Variants in SETD5 observed in about 807,000 individuals in gnomAD.
SETD5 encodes SET domain containing 5, also known as histone-lysine N-methyltransferase SETD5.
Under a neutral mutation model 153.3 loss-of-function variants are expected in SETD5, and 44 were observed. The ratio of observed to expected loss-of-function variants is 0.29; its 90% CI spans 0.23 to 0.37. The LOEUF (loss-of-function observed/expected upper bound fraction) is 0.37. Among genes scored for constraint, SETD5 ranks in the 10% least tolerant of loss-of-function variants. The pLI is 1.00. For synonymous variants in SETD5, 716 were observed against 645.2 expected (o/e 1.11, Z -1.66); for missense variants, 1,544 against 1,768.0 (o/e 0.87, Z 2.27).
intron 17 of SETD5, among the ~76,000 whole-genome samples, chr3:9,456,292 A>G (rs2043230527): frequency 6.6e-6 from 1 of 151,996 alleles, no homozygotes; most frequent in African/African-American, 2.4e-5. Flanking sequence ...CCTGGCCAAC[A>G]TGGTGAAACC....
At position 9,455,709 on chromosome 3, in the gene SETD5, G is replaced by T. The variant is rs77234498; in HGVS notation, c.2476+1841G>T. ...AGCTGAAATAGACTATCATGTTTGT[G>T]TATCTATCTGGTGTGTGTGTTAATG... On this transcript the variant is annotated intron_variant, in intron 17 of 22. Coordinates refer to ENST00000402198, the MANE Select transcript of SETD5 (RefSeq NM_001080517.3). Among the ~76,000 whole-genome samples the T allele has an allele frequency of 3.3e-3, 504 of 152,220 alleles. 13 individuals carry two copies. In the East Asian group the frequency reaches 0.047, roughly 14 times the overall value.
intron 17 of SETD5, among the ~76,000 whole-genome samples, chr3:9,462,448 G>A (rs1214914019): frequency 1.3e-5 from 2 of 151,926 alleles, no homozygotes; most frequent in South Asian, 2.1e-4. Flanking sequence ...TTAGCCGGGT[G>A]TGGTAGCGAG....
intron 17 of SETD5, among the ~76,000 whole-genome samples, chr3:9,454,581 CACT>C (rs1287749055): frequency 3.6e-5 from 5 of 139,816 alleles, no homozygotes; most frequent in African/African-American, 1.3e-4. Context: ...AAGATCACGC[CACT>C]GCACTCCAGC....
intron 18 of SETD5, 141 bp from the exon 19 acceptor site, chr3:9,470,318 C>T: frequency 1.5e-6 from 1 of 678,790 alleles, no homozygotes. Flanking sequence ...GGGACTTTTA[C>T]AGAATATAAT....
intron 18 of SETD5, among the ~76,000 whole-genome samples, chr3:9,467,199 CAAAAAAAAAAAAAA>C (rs35894304): frequency 5.1e-4 from 21 of 40,876 alleles, no homozygotes; most frequent in Middle Eastern, 0.023. Flanking sequence ...GACTCTCTCT[CAAAAAAAAAAAAAA>C]AAAAAAAAAA....
chr3:9,446,306 A>AAAAAAAAAAAAAAC (rs1553624517), intron 13 of SETD5, among the ~76,000 whole-genome samples: 2 of 120,178 alleles, frequency 1.7e-5, no homozygotes, highest in Non-Finnish European at 1.6e-5. Flanking sequence ...AAAAAAAAAA[A>AAAAAAAAAAAAAAC]AATCTGGTTT....
At chr3:9,439,164 T>G (rs1474022745) in intron 7 of SETD5, among the ~76,000 whole-genome samples, 1 of 152,218 alleles carries the variant, frequency 6.6e-6, no homozygotes, top group Non-Finnish European at 1.5e-5. Context: ...TGCACTATTC[T>G]TTTGCGCAAC....
Position 9,440,633 on chromosome 3 carries a change from A to C in SETD5, c.745A>C (p.Ile249Leu), listed in dbSNP as rs746110142. 4.3e-6 allele frequency: 7 copies of C among 1,613,944 alleles called. No individual in the cohort carries two copies. In the South Asian group the frequency reaches 6.6e-5, roughly 15 times the overall value. The part of the protein sequence containing the change: ...SSKEFVGKPT[I>L]LDTINKTELA... ...CAAGGAATTTGTGGGCAAACCTACT[A>C]TTTTAGACACTATTAATAAGACTGA... The change falls in exon 8 of 23, where the codon ATT (isoleucine) becomes CTT (leucine). Residue 249 changes from isoleucine (I) to leucine (L), a missense_variant. Ile to Leu is a conservative substitution (Grantham distance 5, BLOSUM62 2). This residue lies in a region of SETD5 where 251 missense variants were observed against 326.9 expected (regional missense o/e 0.77). Transcript: ENST00000402198.
intron 1 of SETD5, 147 bp downstream of exon 1, chr3:9,398,124 C>T (rs2033993961): frequency 6.6e-6 from 1 of 152,108 alleles, no homozygotes; most frequent in Non-Finnish European, 1.5e-5. Context: ...CCACTTCTCA[C>T]CCCCCTCGCC....
chr3:9,410,877 C>CTTTTTTTTTTTTTTT (rs34787440), intron 1 of SETD5, among the ~76,000 whole-genome samples: 1 of 146,118 alleles, frequency 6.8e-6, no homozygotes, highest in African/African-American at 2.5e-5. Flanking sequence ...TAAAAATTCT[C>CTTTTTTTTTTTTTTT]TTTTTTTTTT....
At chr3:9,402,649 A>G (rs1009654168) in intron 1 of SETD5, among the ~76,000 whole-genome samples, 3 of 152,214 alleles carry the variant, frequency 2.0e-5, no homozygotes, top group Admixed American at 2.0e-4. Context: ...GGATTCCCAC[A>G]GCTTTCATGG....
chr3:9,471,363 C>A (rs2045280635), intron 19 of SETD5, among the ~76,000 whole-genome samples: 1 of 152,160 alleles, frequency 6.6e-6, no homozygotes. Flanking sequence ...CAGGATACTA[C>A]CCAGTTTGAG....
At chr3:9,405,786 T>TG (rs957500864) in intron 1 of SETD5, among the ~76,000 whole-genome samples, 1 of 152,224 alleles carries the variant, frequency 6.6e-6, no homozygotes, top group Non-Finnish European at 1.5e-5. Context: ...TTGTGCCCCT[T>TG]GTTTGTCGTT....
rs145659084 is a variant in SETD5 at position 9,447,815 on chromosome 3, G to A, written c.1912G>A (p.Ala638Thr). Reference protein sequence around the residue: ...QRLKRQKQANAQQAELSQAAL... With the variant: ...QRLKRQKQANTQQAELSQAAL... Reference sequence around the variant, plus strand: ...ACTAAAGCGTCAGAAGCAGGCCAATGCACAGCAGGCAGAATTGTCACAAGC... The same window carrying A: ...ACTAAAGCGTCAGAAGCAGGCCAATACACAGCAGGCAGAATTGTCACAAGC... The change falls in exon 15 of 23, where the codon GCA becomes ACA. Residue 638 changes from alanine (A) to threonine (T), a missense_variant. Physicochemically the swap from Ala to Thr is moderately conservative, Grantham distance 58. Around this residue, in one of 9 missense-constraint regions of SETD5, gnomAD observed 782 missense variants for 787.2 expected, o/e 0.99. Transcript: ENST00000402198. 1.2e-6 allele frequency: 2 copies of A among 1,614,012 alleles called. No homozygotes were observed. The highest frequency in any genetic ancestry group is 2.7e-5 in the African/African-American group (2 of 75,046).
chr3:9,410,332 CAT>C lies in SETD5; in HGVS notation c.-177+12358_-177+12359del, dbSNP rs1442042332. Among the ~76,000 whole-genome samples the C allele has an allele frequency of 2.6e-5, 4 of 152,188 alleles. No homozygotes were observed. The East Asian group carries it at 7.7e-4, about 29-fold the overall frequency. On this transcript the variant is annotated intron_variant, in intron 1 of 22. Coordinates refer to ENST00000402198, the MANE Select transcript of SETD5 (RefSeq NM_001080517.3). ...CATTACAGTCTTATGGGATCATTAT[CAT>C]ATGTGGTCCATCCTTGACTGAAATG...
intron 13 of SETD5, 131 bp downstream of exon 13, chr3:9,445,871 T>A: frequency 2.3e-6 from 1 of 442,662 alleles, no homozygotes; most frequent in Non-Finnish European, 3.9e-6. Flanking sequence ...GCTTTTTCCG[T>A]AATAAAGATT....
chr3:9,432,816 C>T (rs764439587), intron 3 of SETD5, among the ~76,000 whole-genome samples: 6 of 152,166 alleles, frequency 3.9e-5, no homozygotes, highest in Non-Finnish European at 7.3e-5. Context: ...TTATTTTCTA[C>T]TCACAAAGGG....
In SETD5 at chr3:9,478,011, G is replaced by T. The variant is rs2045948130; in HGVS notation, c.*1920G>T. Reference sequence around the variant, plus strand: ...CTCTTGGGGGGGTAGGGGCGGGGGGGTGGGGGGAACTCTTGGAAGGGAAGA... The same window carrying T: ...CTCTTGGGGGGGTAGGGGCGGGGGGTTGGGGGGAACTCTTGGAAGGGAAGA... On this transcript the variant is annotated 3_prime_UTR_variant, in exon 23 of 23. Transcript: ENST00000402198. 1 of 135,662 alleles carries T rather than the reference G, an allele frequency of 7.4e-6. No individual in the cohort carries two copies. The highest frequency in any genetic ancestry group is 1.6e-5 in the Non-Finnish European group (1 of 62,644). The allele number at this position is 135,662 out of a possible 1,614,324, so 8.4% of individuals were successfully genotyped here.
intron 16 of SETD5, 106 bp downstream of exon 16, chr3:9,448,736 G>A: frequency 9.0e-7 from 1 of 1,115,366 alleles, no homozygotes; most frequent in South Asian, 1.8e-5. Flanking sequence ...TCTCTAGATA[G>A]CCACTCTGCC....
Sources: gnomAD v4.1 joint callset for allele counts (sites outside exome capture counted in the v4.1 genomes callset) on GRCh38, gnomAD v4.1.1 for gene constraint, gnomAD v4.1.1 regional missense constraint, MANE v1.5 for transcripts, NCBI Gene and HGNC (gene_info 2026-07-23, HGNC 2026-07-21) for gene names.